The following SEMA3D variants were observed in gnomAD, a reference collection of about 807,000 sequenced individuals.
SEMA3D encodes the protein semaphorin-3D.
In SEMA3D, 84 loss-of-function variants were observed where a neutral mutation model predicts 100.1. That is an observed-to-expected ratio of 0.84 (90% CI 0.70 to 1.01). SEMA3D has a LOEUF of 1.01. Ranked by LOEUF, SEMA3D falls within the 50% of genes least tolerant of loss-of-function variation. SEMA3D has a pLI of 0.00. For synonymous variants in SEMA3D, 312 were observed against 320.7 expected (o/e 0.97, Z 0.29); for missense variants, 875 against 934.1 (o/e 0.94, Z 0.82).
At chr7:85,179,662 CTTTTT>C (rs145786339) in intron 1 of SEMA3D, among the ~76,000 whole-genome samples, 1 of 137,674 alleles carries the variant, frequency 7.3e-6, no homozygotes. Flanking sequence ...TGGACTTGAA[CTTTTT>C]TTTTTTTTTT....
intron 9 of SEMA3D, chr7:85,050,795 T>C (rs543538515): frequency 2.1e-5 from 10 of 475,952 alleles, no homozygotes; most frequent in African/African-American, 1.4e-4. Context: ...CCTTTAAAAC[T>C]AATAAAATGA....
chr7:85,172,122 A>T (rs965913233), intron 1 of SEMA3D, among the ~76,000 whole-genome samples: 34 of 152,054 alleles, frequency 2.2e-4, no homozygotes, highest in Admixed American at 2.0e-3. Context: ...AACATAGGGC[A>T]ATATTTAGTA....
chr7:85,157,696 A>C (rs992667060), intron 1 of SEMA3D: 1 of 969,140 alleles, frequency 1.0e-6, no homozygotes, highest in Admixed American at 6.2e-5. Context: ...AAGCCAACAA[A>C]GGCTCTGCTG....
the SEMA3D span, among the ~76,000 whole-genome samples, chr7:85,226,056 C>T: frequency 6.6e-6 from 1 of 152,054 alleles, no homozygotes; most frequent in Non-Finnish European, 1.5e-5. Flanking sequence ...CCTTGTTTAG[C>T]TCCTCCCCAT....
chr7:85,048,986 A>G lies in SEMA3D; in HGVS notation c.862-6701T>C, dbSNP rs558014247. Among the ~76,000 whole-genome samples, 4 of 151,942 alleles carry G rather than the reference A, an allele frequency of 2.6e-5. No homozygotes were observed. The East Asian group carries it at 7.7e-4, about 29-fold the overall frequency. ...GTTTCTCTTTACCAGAGGAAGGTCT[A>G]TTGGCACTTGCTCTTTACTGTTTTC... On this transcript the variant is annotated intron_variant, in intron 9 of 18. Coordinates refer to ENST00000284136, the MANE Select transcript of SEMA3D (RefSeq NM_001384900.1).
At chr7:85,050,861 C>G (rs944196299) in intron 9 of SEMA3D, 5 of 400,186 alleles carry the variant, frequency 1.2e-5, no homozygotes, top group Non-Finnish European at 2.3e-5. Context: ...GCAAAATACA[C>G]GCACCACTAC....
At chr7:85,127,983 A>G (rs1046490413) in intron 2 of SEMA3D, among the ~76,000 whole-genome samples, 1 of 152,016 alleles carries the variant, frequency 6.6e-6, no homozygotes, top group African/African-American at 2.4e-5. Flanking sequence ...TTTAAACTCA[A>G]AAGCATCAAC....
intron 9 of SEMA3D, among the ~76,000 whole-genome samples, chr7:85,043,065 G>A (rs866944329): frequency 3.0e-4 from 46 of 152,190 alleles, no homozygotes; most frequent in African/African-American, 9.1e-4. Context: ...AAACATATGC[G>A]TAATAATACA....
At chr7:85,048,787 C>T (rs1369320172) in intron 9 of SEMA3D, among the ~76,000 whole-genome samples, 2 of 151,690 alleles carry the variant, frequency 1.3e-5, no homozygotes, top group Non-Finnish European at 3.0e-5. Flanking sequence ...TTTCACATAA[C>T]CATATTTGGC....
intron 5 of SEMA3D, among the ~76,000 whole-genome samples, chr7:85,073,380 T>C (rs183499538): frequency 1.8e-4 from 27 of 152,276 alleles, no homozygotes; most frequent in African/African-American, 6.0e-4. Flanking sequence ...AGAACGGATA[T>C]AAACAGAATA....
chr7:85,202,036 TTTTA>T, the SEMA3D span, among the ~76,000 whole-genome samples: 66 of 150,642 alleles, frequency 4.4e-4, 1 homozygote, highest in South Asian at 0.011. Context: ...CTCTCTCTCT[TTTTA>T]TTTATTTATT....
At chr7:85,241,467 G>GTGTGTGTGTATATATATATA in the SEMA3D span, among the ~76,000 whole-genome samples, 4 of 92,000 alleles carry the variant, frequency 4.3e-5, no homozygotes, top group African/African-American at 2.2e-4. Flanking sequence ...CTGTGTGTGT[G>GTGTGTGTGTATATATATATA]TATATATATA....
chr7:85,118,848 C>T (rs571284662), intron 3 of SEMA3D, among the ~76,000 whole-genome samples: 1 of 152,216 alleles, frequency 6.6e-6, no homozygotes, highest in African/African-American at 2.4e-5. Flanking sequence ...TTGGCAACTT[C>T]TTCATGAACT....
chr7:85,140,326 A>T (rs533056534), intron 2 of SEMA3D: 1 of 982,756 alleles, frequency 1.0e-6, no homozygotes, highest in Non-Finnish European at 1.2e-6. Flanking sequence ...AATGCACGGC[A>T]TTAGAAATCA....
intron 1 of SEMA3D, among the ~76,000 whole-genome samples, chr7:85,180,385 T>G (rs1325908948): frequency 6.6e-6 from 1 of 152,210 alleles, no homozygotes; most frequent in African/African-American, 2.4e-5. Flanking sequence ...GTCAGTCAAC[T>G]AAACCTCTTT....
chr7:85,006,336 T>C (rs1789795427), intron 18 of SEMA3D, among the ~76,000 whole-genome samples: 1 of 151,988 alleles, frequency 6.6e-6, no homozygotes, highest in African/African-American at 2.4e-5. Flanking sequence ...GTCCTTAGTT[T>C]AACATGTCTG....
intron 2 of SEMA3D, among the ~76,000 whole-genome samples, chr7:85,132,215 A>G (rs1356408480): frequency 6.6e-6 from 1 of 151,918 alleles, no homozygotes; most frequent in Non-Finnish European, 1.5e-5. Flanking sequence ...CCCTGTGATT[A>G]TATATCAAAC....
intron 6 of SEMA3D, among the ~76,000 whole-genome samples, chr7:85,072,503 G>A (rs1030979678): frequency 6.6e-6 from 1 of 151,928 alleles, no homozygotes; most frequent in African/African-American, 2.4e-5. Context: ...TAGTTAAAAA[G>A]GAAAGTCAAG....
chr7:85,142,588 A>G (rs1790086078), intron 2 of SEMA3D: 13 of 984,514 alleles, frequency 1.3e-5, no homozygotes, highest in Non-Finnish European at 1.6e-5. Flanking sequence ...GACAAGTTTT[A>G]GGAAGAAGAA....
Sources: gnomAD v4.1 joint callset for allele counts (sites outside exome capture counted in the v4.1 genomes callset) on GRCh38, gnomAD v4.1.1 for gene constraint, MANE v1.5 for transcripts, NCBI Gene and HGNC (gene_info 2026-07-23, HGNC 2026-07-21) for gene names.